Variants in IQCE observed in about 807,000 individuals in gnomAD.
IQCE encodes IQ motif containing E, also known as IQ domain-containing protein E.
IQCE carries 115 observed loss-of-function variants against 96.0 expected under a neutral mutation model. The observed-to-expected ratio is 1.20, with a 90% CI of 1.03 to 1.40. The LOEUF is 1.40. Ranked by LOEUF, IQCE falls within the 40% of genes most tolerant of loss-of-function variation. The probability of loss-of-function intolerance (pLI) is 0.00; values close to 1 mark genes in which losing one functional copy is unlikely to be tolerated. For synonymous variants in IQCE, 412 were observed against 371.2 expected (o/e 1.11, Z -1.26); for missense variants, 1,041 against 909.1 (o/e 1.15, Z -1.87).
intron 12 of IQCE, among the ~76,000 whole-genome samples, chr7:2,586,831 T>C (rs931479489): frequency 6.6e-6 from 1 of 151,990 alleles, no homozygotes; most frequent in Non-Finnish European, 1.5e-5. Context: ...GCTGAGTGCC[T>C]GGGAGACACG....
At chr7:2,563,916 A>T (rs977865605) in intron 1 of IQCE, among the ~76,000 whole-genome samples, 1 of 148,570 alleles carries the variant, frequency 6.7e-6, no homozygotes, top group Non-Finnish European at 1.5e-5. Flanking sequence ...AAAAAAAAAA[A>T]TTTCACTCAT....
intron 6 of IQCE, among the ~76,000 whole-genome samples, chr7:2,575,019 T>A (rs994558187): frequency 6.6e-6 from 1 of 152,274 alleles, no homozygotes; most frequent in African/African-American, 2.4e-5. Context: ...CGCATCTTTG[T>A]GGCGGCTGCC....
chr7:2,590,669 G>A (rs1346007047), intron 14 of IQCE, among the ~76,000 whole-genome samples: 2 of 152,168 alleles, frequency 1.3e-5, no homozygotes, highest in Non-Finnish European at 2.9e-5. Context: ...AGGAGGCCAA[G>A]GCAGAGGATC....
At chr7:2,583,007 T>G (rs1009476740) in intron 9 of IQCE, among the ~76,000 whole-genome samples, 1 of 152,174 alleles carries the variant, frequency 6.6e-6, no homozygotes, top group Admixed American at 6.5e-5. Context: ...GGGAGAGTCT[T>G]TCTGGGCTGT....
chr7:2,595,361 T>G, intron 16 of IQCE, among the ~76,000 whole-genome samples: 1 of 152,172 alleles, frequency 6.6e-6, no homozygotes, highest in East Asian at 1.9e-4. Flanking sequence ...TCCTCTCATC[T>G]AAGTTCCAGA....
At chr7:2,563,409 G>C (rs1039218574) in intron 1 of IQCE, among the ~76,000 whole-genome samples, 9 of 151,466 alleles carry the variant, frequency 5.9e-5, no homozygotes, top group African/African-American at 2.2e-4. Context: ...GTGTGTGTGT[G>C]TGTACAGGGT....
intron 4 of IQCE, 21 bp from the exon 5 acceptor site, chr7:2,572,171 A>T: frequency 6.2e-7 from 1 of 1,604,806 alleles, no homozygotes; most frequent in Non-Finnish European, 8.5e-7. Flanking sequence ...GTCATATTAA[A>T]CCCATGCACA....
In IQCE at chr7:2,587,807, C is replaced by T; in HGVS notation, c.989-15C>T. 1 of 1,613,874 alleles carries T rather than the reference C, an allele frequency of 6.2e-7. No individual in the cohort carries two copies. Among genetic ancestry groups the T allele is most frequent in the Non-Finnish European group, 8.5e-7 (1 of 1,179,802 alleles). On this transcript the variant is annotated splice_polypyrimidine_tract_variant and intron_variant, in intron 12 of 21. Coordinates refer to ENST00000402050, the MANE Select transcript of IQCE (RefSeq NM_152558.5). ...CCACCAGGATGCCGTTTTGAAACCGCATTGCTTCCATCAGGTTATGTGGAG... is the reference window on the plus strand; with the variant it reads ...CCACCAGGATGCCGTTTTGAAACCGTATTGCTTCCATCAGGTTATGTGGAG...
In IQCE at chr7:2,573,433, C is replaced by T; in HGVS notation, c.410C>T (p.Thr137Ile). The change falls in exon 6 of 22, where the codon ACT (threonine) becomes ATT (isoleucine). Residue 137 changes from threonine to isoleucine, a missense_variant. Physicochemically the swap from Thr to Ile is moderately conservative, Grantham distance 89 (BLOSUM62 -1). Coordinates refer to ENST00000402050, the MANE Select transcript of IQCE (RefSeq NM_152558.5). ...GTTTCTCTAGGTCATGTCCCTGGGA[C>T]TCCTGTCTACAGAGAAAAAGAAGAT... ...RSASNGHVPG[T>I]PVYREKEDMY... is the part of the protein sequence containing the mutation. 6.6e-7 allele frequency: 1 copy of T among 1,506,554 alleles called. No homozygotes were observed. Among genetic ancestry groups the T allele is most frequent in the Admixed American group, 1.7e-5 (1 of 59,204 alleles). The allele number at this position is 1,506,554 out of a possible 1,614,324, so 93.3% of individuals were successfully genotyped here. A position where few individuals can be genotyped will look rare whatever the true frequency, so the allele number is the denominator to read the frequency against.
chr7:2,589,834 C>T (rs1783438546), intron 13 of IQCE, 73 bp from the exon 14 acceptor site: 1 of 1,481,092 alleles, frequency 6.8e-7, no homozygotes, highest in Non-Finnish European at 9.4e-7. Context: ...GGTTCAGTGT[C>T]TCTTTTCTGG....
At position 2,603,429 on chromosome 7, in the gene IQCE, G is replaced by C. The variant is rs532124099; in HGVS notation, c.1633-1452G>C. On this transcript the variant is annotated intron_variant, in intron 18 of 21. Transcript: ENST00000402050. The stretch of plus-strand genomic sequence containing the variant: ...GCGGGTGAGGGGATCCGGGCTCCTT[G>C]TCCGATCGGCCAGTCAGTGGTGGGT... Among the ~76,000 whole-genome samples the C allele has an allele frequency of 5.9e-5, 9 of 152,286 alleles. No homozygotes were observed. The South Asian group carries it at 1.9e-3, about 32-fold the overall frequency.
chr7:2,568,851 G>C, intron 2 of IQCE, 103 bp from the exon 3 acceptor site: 6 of 1,057,098 alleles, frequency 5.7e-6, no homozygotes, highest in Non-Finnish European at 8.6e-6. Flanking sequence ...ACGTCCTCTT[G>C]CTGCTCTTAC....
chr7:2,569,060 A>AT, intron 3 of IQCE, 61 bp downstream of exon 3: 1 of 1,513,998 alleles, frequency 6.6e-7, no homozygotes. Flanking sequence ...CCTGGAGAGA[A>AT]TGAAGGGTAT....
At chr7:2,583,015 T>C (rs2289165) in intron 9 of IQCE, among the ~76,000 whole-genome samples, 119,117 of 151,990 alleles carry the variant, frequency 0.78, 47,192 homozygotes, top group African/African-American at 0.89. Flanking sequence ...CTTTCTGGGC[T>C]GTGTTTTGGT....
At chr7:2,571,456 T>A in intron 3 of IQCE, 70 bp from the exon 4 acceptor site, 1 of 1,586,738 alleles carries the variant, frequency 6.3e-7, no homozygotes, top group Admixed American at 1.8e-5. Flanking sequence ...TTTCTGTCTT[T>A]CTGAAGTTCA....
At chr7:2,569,111 C>A in intron 3 of IQCE, 112 bp downstream of exon 3, 3 of 977,038 alleles carry the variant, frequency 3.1e-6, no homozygotes, top group South Asian at 1.4e-5. Context: ...GACGCCTCAG[C>A]CAGTTGGCCC....
chr7:2,576,682 A>G (rs1782146832), intron 6 of IQCE, among the ~76,000 whole-genome samples: 1 of 152,124 alleles, frequency 6.6e-6, no homozygotes, highest in African/African-American at 2.4e-5. Context: ...TACAGGGGTA[A>G]GCCACCGTGC....
In IQCE at chr7:2,607,140, A is replaced by G. The variant is rs1583524633; in HGVS notation, c.1882A>G (p.Thr628Ala). Reference protein sequence around the residue: ...RARHSATGKRTTTAASTRRRS... With the variant: ...RARHSATGKRATTAASTRRRS... Reference sequence around the variant, plus strand: ...TTTTTCCAGTGCTACCGGTAAAAGAACCACCACCGCAGCTTCTACCAGGAG... The same window carrying G: ...TTTTTCCAGTGCTACCGGTAAAAGAGCCACCACCGCAGCTTCTACCAGGAG... The change falls in exon 21 of 22, where the codon ACC (threonine) becomes GCC (alanine). Residue 628 changes from threonine to alanine, a missense_variant. Transcript: ENST00000402050. The G allele has an allele frequency of 1.2e-6, 2 of 1,601,968 alleles. No homozygotes were observed. Among genetic ancestry groups the G allele is most frequent in the African/African-American group, 2.7e-5 (2 of 73,908 alleles).
intron 16 of IQCE, chr7:2,597,138 G>GTGAGCCGGCTGGTT (rs1250240850): frequency 2.1e-6 from 1 of 469,282 alleles, no homozygotes; most frequent in Admixed American, 2.3e-5. Context: ...GCGAGGTGAG[G>GTGAGCCGGCTGGTT]TGAGCCGGCT....
Sources: gnomAD v4.1 joint callset for allele counts (sites outside exome capture counted in the v4.1 genomes callset) on GRCh38, gnomAD v4.1.1 for gene constraint, MANE v1.5 for transcripts, NCBI Gene and HGNC (gene_info 2026-07-23, HGNC 2026-07-21) for gene names.